Variants in HECW1 observed in about 807,000 individuals in gnomAD.
HECW1 encodes E3 ubiquitin-protein ligase HECW1.
HECW1 carries 61 observed loss-of-function variants against 182.3 expected under a neutral mutation model. The ratio of observed to expected loss-of-function variants is 0.33; its 90% confidence interval spans 0.27 to 0.41. HECW1 has a LOEUF of 0.41. HECW1 is among the 10% of genes least tolerant of loss of function. HECW1 has a pLI of 1.00. For synonymous variants in HECW1, 859 were observed against 832.6 expected, an observed-to-expected ratio of 1.03 and a Z score of -0.55; for missense variants, 1,739 against 2,108.9, an observed-to-expected ratio of 0.82 and a Z score of 3.44.
intron 5 of HECW1, among the ~76,000 whole-genome samples, chr7:43,354,381 G>A (rs1416773824): frequency 6.6e-6 from 1 of 152,104 alleles, no homozygotes; most frequent in Non-Finnish European, 1.5e-5. Context: ...AAAAATAGCA[G>A]TTTTAAACAA....
At chr7:43,537,806 A>T (rs192132003) in intron 24 of HECW1, among the ~76,000 whole-genome samples, 3 of 152,122 alleles carry the variant, frequency 2.0e-5, no homozygotes, top group Non-Finnish European at 4.4e-5. Context: ...TAAAAAAGCT[A>T]TGGCTTGTTT....
chr7:43,319,029 C>G (rs1451301837), intron 4 of HECW1, among the ~76,000 whole-genome samples: 1 of 152,212 alleles, frequency 6.6e-6, no homozygotes, highest in Non-Finnish European at 1.5e-5. Context: ...AGGTGACAGG[C>G]AGCTTGGTAT....
chr7:43,196,303 G>A (rs1472736288), intron 2 of HECW1, among the ~76,000 whole-genome samples: 4 of 152,148 alleles, frequency 2.6e-5, no homozygotes, highest in African/African-American at 9.7e-5. Flanking sequence ...AAAGAATTTA[G>A]TATTTTGCAG....
chr7:43,284,683 C>A (rs2152750228), intron 3 of HECW1, among the ~76,000 whole-genome samples: 1 of 152,198 alleles, frequency 6.6e-6, no homozygotes, highest in African/African-American at 2.4e-5. Context: ...CAAATGTATC[C>A]TTTGACCAAC....
chr7:43,355,166 T>G (rs1479593706), intron 5 of HECW1, among the ~76,000 whole-genome samples: 1 of 151,820 alleles, frequency 6.6e-6, no homozygotes, highest in African/African-American at 2.4e-5. Context: ...ATACAAGAAA[T>G]GCTTAAGAGA....
intron 3 of HECW1, among the ~76,000 whole-genome samples, chr7:43,271,646 A>C (rs1802419704): frequency 6.6e-6 from 1 of 152,224 alleles, no homozygotes; most frequent in Non-Finnish European, 1.5e-5. Flanking sequence ...TAACCAAAGA[A>C]GTGAAAGATT....
chr7:43,256,772 C>T (rs528125541), intron 3 of HECW1, among the ~76,000 whole-genome samples: 1 of 152,180 alleles, frequency 6.6e-6, no homozygotes, highest in Admixed American at 6.5e-5. Flanking sequence ...AGCAATATTT[C>T]CTAGAACAGA....
chr7:43,377,651 C>G, intron 6 of HECW1: 1 of 201,794 alleles, frequency 5.0e-6, no homozygotes, highest in Non-Finnish European at 1.0e-5. Flanking sequence ...TTTTTTTTCT[C>G]TTTGTGAGTT....
chr7:43,145,629 T>C (rs369141413), intron 2 of HECW1, among the ~76,000 whole-genome samples: 12 of 152,220 alleles, frequency 7.9e-5, no homozygotes, highest in African/African-American at 2.9e-4. Context: ...GGTGTCTTCC[T>C]GCTGTAGAGG....
chr7:43,425,106 C>T (rs1288368576), intron 8 of HECW1, among the ~76,000 whole-genome samples: 3 of 151,988 alleles, frequency 2.0e-5, no homozygotes, highest in African/African-American at 7.3e-5. Context: ...TAATGTGGAA[C>T]AGTGGAATGG....
At chr7:43,206,373 G>T (rs913742678) in intron 2 of HECW1, among the ~76,000 whole-genome samples, 4 of 152,046 alleles carry the variant, frequency 2.6e-5, no homozygotes, top group African/African-American at 9.7e-5. Flanking sequence ...CGAAGGTAAG[G>T]GTTGGCCAAA....
At chr7:43,282,976 A>G (rs1056688734) in intron 3 of HECW1, among the ~76,000 whole-genome samples, 1 of 152,026 alleles carries the variant, frequency 6.6e-6, no homozygotes, top group Non-Finnish European at 1.5e-5. Flanking sequence ...AAGTTAGCTG[A>G]GCGCAGTGGC....
At chr7:43,393,299 C>T (rs2075109055) in intron 6 of HECW1, among the ~76,000 whole-genome samples, 1 of 152,292 alleles carries the variant, frequency 6.6e-6, no homozygotes, top group African/African-American at 2.4e-5. Flanking sequence ...CCCTGGCAGG[C>T]CTGCAGCCTC....
At chr7:43,547,178 A>G (rs2081597379) in intron 26 of HECW1, among the ~76,000 whole-genome samples, 2 of 152,168 alleles carry the variant, frequency 1.3e-5, no homozygotes, top group Non-Finnish European at 1.5e-5. Context: ...TCATATAATG[A>G]CTTTGCTTTA....
intron 24 of HECW1, among the ~76,000 whole-genome samples, chr7:43,536,886 A>C (rs1394262823): frequency 1.3e-5 from 2 of 152,204 alleles, no homozygotes; most frequent in Non-Finnish European, 2.9e-5. Context: ...CCCTCCTGGC[A>C]AAGTAAAACT....
At chr7:43,307,739 C>T (rs1487011829) in intron 3 of HECW1, among the ~76,000 whole-genome samples, 1 of 151,676 alleles carries the variant, frequency 6.6e-6, no homozygotes, top group East Asian at 1.9e-4. Context: ...CAGCTCTATC[C>T]ACCTGCTGTG....
chr7:43,486,030 C>T (rs2078620076), intron 17 of HECW1, among the ~76,000 whole-genome samples: 1 of 151,986 alleles, frequency 6.6e-6, no homozygotes, highest in Non-Finnish European at 1.5e-5. Flanking sequence ...CACTACAGGC[C>T]CCTGTGTGTC....
chr7:43,544,067 T>C (rs2081465763), intron 26 of HECW1, among the ~76,000 whole-genome samples: 1 of 152,282 alleles, frequency 6.6e-6, no homozygotes, highest in African/African-American at 2.4e-5. Context: ...TGTAAAAATT[T>C]TTAAAAAAGG....
intron 2 of HECW1, among the ~76,000 whole-genome samples, chr7:43,180,776 T>C (rs938222551): frequency 1.9e-4 from 29 of 152,370 alleles, no homozygotes; most frequent in African/African-American, 6.5e-4. Context: ...CATGTGCACA[T>C]TGTTTAATGA....
Sources: gnomAD v4.1 joint callset for allele counts (sites outside exome capture counted in the v4.1 genomes callset) on GRCh38, gnomAD v4.1.1 for gene constraint, MANE v1.5 for transcripts, NCBI Gene and HGNC (gene_info 2026-07-23, HGNC 2026-07-21) for gene names.